SLAIN2: variants seen among roughly 807,000 people sequenced by gnomAD.
SLAIN2 encodes SLAIN motif-containing protein 2.
A neutral mutation model predicts 56.6 loss-of-function variants in SLAIN2; 31 were observed. The observed-to-expected ratio is 0.55, with a 90% CI of 0.41 to 0.74. SLAIN2 has a LOEUF of 0.74. SLAIN2 is among the 30% of genes least tolerant of loss of function. The probability of loss-of-function intolerance (pLI) is 0.00; values close to 1 mark genes in which losing one functional copy is unlikely to be tolerated. For missense variants in SLAIN2, 777 were observed against 754.2 expected (o/e 1.03, Z -0.35); for synonymous variants, 317 against 284.9 (o/e 1.11, Z -1.13).
At chr4:48,342,178 G>C in intron 1 of SLAIN2, 50 bp downstream of exon 1, 1 of 1,329,152 alleles carries the variant, frequency 7.5e-7, no homozygotes, top group South Asian at 2.0e-5. Context: ...GCCCGGGGGC[G>C]GAGAGCGTCC....
chr4:48,400,831 A>G (rs1716533291), intron 6 of SLAIN2, among the ~76,000 whole-genome samples: 2 of 151,262 alleles, frequency 1.3e-5, no homozygotes, highest in East Asian at 1.9e-4. Flanking sequence ...TTCTTCTGCT[A>G]GCTTTGGAGT....
At chr4:48,373,873 T>G (rs1342182038) in intron 2 of SLAIN2, among the ~76,000 whole-genome samples, 2 of 152,094 alleles carry the variant, frequency 1.3e-5, no homozygotes, top group African/African-American at 4.8e-5. Context: ...AAACCCTGTC[T>G]CTACTAAAAA....
At chr4:48,399,844 G>C (rs1194966975) in intron 6 of SLAIN2, among the ~76,000 whole-genome samples, 2 of 152,056 alleles carry the variant, frequency 1.3e-5, no homozygotes, top group Non-Finnish European at 2.9e-5. Flanking sequence ...TGCATCCCGA[G>C]GATAAAGCCA....
At chr4:48,355,228 T>C (rs573963420) in intron 1 of SLAIN2, among the ~76,000 whole-genome samples, 3 of 152,378 alleles carry the variant, frequency 2.0e-5, no homozygotes, top group South Asian at 2.1e-4. Context: ...CGCTCTCTTA[T>C]GATTCTTCAT....
intron 6 of SLAIN2, among the ~76,000 whole-genome samples, chr4:48,388,988 C>A (rs1397263104): frequency 6.6e-6 from 1 of 152,194 alleles, no homozygotes; most frequent in Non-Finnish European, 1.5e-5. Flanking sequence ...TCAGCTTATG[C>A]ATAGCCATCC....
intron 6 of SLAIN2, among the ~76,000 whole-genome samples, chr4:48,397,973 C>T (rs903160568): frequency 5.9e-5 from 9 of 152,114 alleles, no homozygotes; most frequent in Non-Finnish European, 1.0e-4. Context: ...CATACACATG[C>T]GTGCATACAT....
At chr4:48,419,471 G>T (rs572188390) in intron 6 of SLAIN2, among the ~76,000 whole-genome samples, 1 of 152,106 alleles carries the variant, frequency 6.6e-6, no homozygotes, top group Non-Finnish European at 1.5e-5. Context: ...CATCATCTCG[G>T]CTCACTGCAG....
chr4:48,418,170 T>TC (rs1717049400), intron 6 of SLAIN2, among the ~76,000 whole-genome samples: 1 of 140,332 alleles, frequency 7.1e-6, no homozygotes, highest in South Asian at 2.2e-4. Context: ...CTCTTCTTCT[T>TC]TTTTTTTTTT....
At chr4:48,397,686 T>C (rs1171325228) in intron 6 of SLAIN2, among the ~76,000 whole-genome samples, 2 of 152,144 alleles carry the variant, frequency 1.3e-5, no homozygotes, top group Non-Finnish European at 2.9e-5. Flanking sequence ...CAGCCGCCAG[T>C]GTGTGTTGTT....
intron 6 of SLAIN2, among the ~76,000 whole-genome samples, chr4:48,403,496 G>A (rs1316323632): frequency 6.6e-6 from 1 of 152,164 alleles, no homozygotes; most frequent in Admixed American, 6.5e-5. Flanking sequence ...TGGCACAGCA[G>A]CTGTGCTGCA....
chr4:48,385,462 T>C (rs2109765080), intron 6 of SLAIN2, among the ~76,000 whole-genome samples: 1 of 152,256 alleles, frequency 6.6e-6, no homozygotes, highest in East Asian at 1.9e-4. Context: ...TCTCAGATCC[T>C]TGTGGCATAT....
chr4:48,399,424 G>GGA (rs1716490509), intron 6 of SLAIN2, among the ~76,000 whole-genome samples: 1 of 152,010 alleles, frequency 6.6e-6, no homozygotes, highest in South Asian at 2.1e-4. Flanking sequence ...GGGGTTTTCT[G>GGA]GATATAGAAT....
At chr4:48,411,971 G>C (rs1716858451) in intron 6 of SLAIN2, among the ~76,000 whole-genome samples, 1 of 152,004 alleles carries the variant, frequency 6.6e-6, no homozygotes, top group Non-Finnish European at 1.5e-5. Flanking sequence ...GTTTTGGTTT[G>C]ACCTTCCTAG....
intron 6 of SLAIN2, among the ~76,000 whole-genome samples, chr4:48,411,514 G>A (rs1205685092): frequency 6.6e-6 from 1 of 151,914 alleles, no homozygotes; most frequent in Non-Finnish European, 1.5e-5. Context: ...TGTCCTAGCA[G>A]CATTTTGAAC....
chr4:48,374,083 A>T (rs1309319145), intron 2 of SLAIN2, among the ~76,000 whole-genome samples: 1 of 152,184 alleles, frequency 6.6e-6, no homozygotes, highest in Non-Finnish European at 1.5e-5. Context: ...AAAGAAAGGC[A>T]TGTGCAAAGG....
Position 48,386,730 on chromosome 4 carries a change from TGAAAG to T in SLAIN2, c.1360+2950_1360+2954del, listed in dbSNP as rs577250380. ...AGAAAACAGGAATTCACAAAACACT[TGAAAG>T]GAAGGATAGAATTTGAGCTTTATCT... On this transcript the variant is annotated intron_variant, in intron 6 of 7. Coordinates refer to ENST00000264313, the MANE Select transcript of SLAIN2 (RefSeq NM_020846.2). Among the ~76,000 whole-genome samples the T allele has an allele frequency of 2.4e-3, 365 of 152,232 alleles. 1 individual carries two copies. Among genetic ancestry groups the T allele is most frequent in the African/African-American group, 7.9e-3 (328 of 41,550 alleles).
chr4:48,367,217 G>C (rs1715543325), intron 1 of SLAIN2, among the ~76,000 whole-genome samples: 1 of 152,178 alleles, frequency 6.6e-6, no homozygotes, highest in African/African-American at 2.4e-5. Context: ...CTCAACCAAA[G>C]GTTACCTGAC....
chr4:48,372,575 T>C (rs1194579831), intron 2 of SLAIN2, among the ~76,000 whole-genome samples: 1 of 152,252 alleles, frequency 6.6e-6, no homozygotes, highest in Non-Finnish European at 1.5e-5. Context: ...ACTAGCAACC[T>C]GGACTTGGGT....
intron 1 of SLAIN2, among the ~76,000 whole-genome samples, chr4:48,357,004 G>A (rs1264402481): frequency 4.6e-5 from 7 of 151,946 alleles, no homozygotes; most frequent in Admixed American, 3.3e-4. Flanking sequence ...TGTCACTTCA[G>A]TGCTTGAAAA....
Sources: gnomAD v4.1 joint callset for allele counts (sites outside exome capture counted in the v4.1 genomes callset) on GRCh38, gnomAD v4.1.1 for gene constraint, MANE v1.5 for transcripts, NCBI Gene and HGNC (gene_info 2026-07-23, HGNC 2026-07-21) for gene names.